Variants in SMYD1 observed in about 807,000 individuals in gnomAD.
The protein encoded by SMYD1 is histone-lysine N-methyltransferase SMYD1.
In SMYD1, 49 loss-of-function variants were observed where a neutral mutation model predicts 54.0. The observed-to-expected ratio is 0.91, with a 90% CI of 0.72 to 1.15. The LOEUF is 1.15. Among genes scored for constraint, SMYD1 ranks in the 50% most tolerant of loss-of-function variants. SMYD1 has a pLI of 0.00. For synonymous variants in SMYD1, 269 were observed against 234.2 expected (o/e 1.15, Z -1.36); for missense variants, 653 against 639.6 (o/e 1.02, Z -0.23).
intron 5 of SMYD1, among the ~76,000 whole-genome samples, chr2:88,095,782 C>T (rs1674572822): frequency 2.6e-5 from 4 of 152,202 alleles, no homozygotes; most frequent in South Asian, 4.1e-4. Context: ...GAGAGGTCCA[C>T]GGACTGACCT....
chr2:88,091,030 ACT>A lies in SMYD1; in HGVS notation c.551_552del (p.Leu184GlnfsTer2). The part of the protein sequence containing the change: ...IFGVINCNGF[T>X]LSDQRGLQAV... ...TGGGTAGATTAACTGCAACGGTTTT[ACT>A]CTCAGTGATCAGAGAGGCCTGCAGG... On this transcript the variant is annotated frameshift_variant, in exon 4 of 10. Transcript: ENST00000419482. LOFTEE classifies it high-confidence loss of function. 1 of 1,613,750 alleles carries A rather than the reference ACT, an allele frequency of 6.2e-7. No homozygotes were observed. Among genetic ancestry groups the A allele is most frequent in the African/African-American group, 1.3e-5 (1 of 74,996 alleles).
At chr2:88,099,901 C>T (rs1339617838) in intron 6 of SMYD1, among the ~76,000 whole-genome samples, 1 of 150,568 alleles carries the variant, frequency 6.6e-6, no homozygotes, top group Non-Finnish European at 1.5e-5. Context: ...TTCATCTGGC[C>T]CTCCCCTTGT....
intron 2 of SMYD1, among the ~76,000 whole-genome samples, chr2:88,085,411 GATGCTC>G (rs1674301245): frequency 6.6e-6 from 1 of 152,206 alleles, no homozygotes; most frequent in Admixed American, 6.5e-5. Context: ...GCTGCAGGGA[GATGCTC>G]AGGAAGCCAG....
intron 6 of SMYD1, among the ~76,000 whole-genome samples, chr2:88,102,713 A>G (rs948000943): frequency 4.6e-5 from 7 of 152,226 alleles, no homozygotes; most frequent in African/African-American, 1.4e-4. Flanking sequence ...GAGGGAGAGC[A>G]GCAAATATTT....
In SMYD1 at chr2:88,088,039, G is replaced by A. The variant is rs746007359; in HGVS notation, c.492G>A (p.Gln164=). 16 of 1,614,154 alleles carry A rather than the reference G, an allele frequency of 9.9e-6. No homozygotes were observed. Among genetic ancestry groups the A allele is most frequent in the Non-Finnish European group, 1.3e-5 (15 of 1,180,020 alleles). ...AGTACTGGCCGCCGCAGAGCCAGCA[G>A]TTCAGCATGCAGTACATCTCGCACA... is the stretch of plus-strand genomic sequence containing the variant. ...FLQYWPPQSQ[Q]FSMQYISHIF... Residue 164 remains glutamine (Q), a synonymous_variant, in exon 3 of 10, where the codon CAG becomes CAA. Transcript: ENST00000419482.
Position 88,103,180 on chromosome 2 carries a change from G to T in SMYD1, c.981+30G>T, listed in dbSNP as rs773396057. On this transcript the variant is annotated intron_variant, in intron 7 of 9. Coordinates refer to ENST00000419482, the MANE Select transcript of SMYD1 (RefSeq NM_198274.4). ...GAATTCACTTGTTATAGAGGATGGGGGTAGAAAGGAGGGTGGAAACATTCT... is the reference window on the plus strand; with the variant it reads ...GAATTCACTTGTTATAGAGGATGGGTGTAGAAAGGAGGGTGGAAACATTCT... The T allele has an allele frequency of 3.5e-5, 56 of 1,594,576 alleles. No homozygotes were observed. In the South Asian group the frequency reaches 5.7e-4, roughly 16 times the overall value.
At chr2:88,090,530 T>G (rs556695873) in intron 3 of SMYD1, among the ~76,000 whole-genome samples, 10 of 152,286 alleles carry the variant, frequency 6.6e-5, no homozygotes, top group Non-Finnish European at 1.2e-4. Context: ...AATATAAAAC[T>G]ATGCACCAGA....
chr2:88,103,008 T>A, intron 6 of SMYD1, 50 bp from the exon 7 acceptor site: 2 of 1,425,622 alleles, frequency 1.4e-6, no homozygotes, highest in Non-Finnish European at 2.0e-6. Context: ...AAAGGTGGAA[T>A]GGGTTGCCTC....
At chr2:88,084,614 A>T in intron 2 of SMYD1, 122 bp downstream of exon 2, 1 of 894,416 alleles carries the variant, frequency 1.1e-6, no homozygotes, top group Non-Finnish European at 1.7e-6. Flanking sequence ...ACAGCCTCAA[A>T]GACTGGATAT....
intron 6 of SMYD1, among the ~76,000 whole-genome samples, chr2:88,100,732 G>C (rs1674701864): frequency 6.6e-6 from 1 of 152,162 alleles, no homozygotes; most frequent in African/African-American, 2.4e-5. Flanking sequence ...GCATTCCGGG[G>C]CACAAGGCAG....
At chr2:88,091,249 T>C in intron 4 of SMYD1, 107 bp downstream of exon 4, 1 of 1,201,524 alleles carries the variant, frequency 8.3e-7, no homozygotes, top group Non-Finnish European at 1.2e-6. Flanking sequence ...TGAACTAGCA[T>C]AAATTTTAAA....
rs530560531 is a variant in SMYD1, at chr2:88,101,070, G to A, written c.889-1988G>A. 3.9e-5 allele frequency among the ~76,000 whole-genome samples: 6 copies of A among 152,310 alleles called. No individual in the cohort carries two copies. The South Asian group carries it at 1.0e-3, about 26-fold the overall frequency. ...TTAGGAGAGCCTGACCCTGAAGCAA[G>A]GTGTCCTGGCCAGAGGACTCTCATA... On this transcript the variant is annotated intron_variant, in intron 6 of 9. Transcript: ENST00000419482.
chr2:88,098,999 T>A (rs1358873625), intron 6 of SMYD1, among the ~76,000 whole-genome samples: 1 of 152,240 alleles, frequency 6.6e-6, no homozygotes, highest in East Asian at 1.9e-4. Flanking sequence ...GCAAAACTTA[T>A]GACATTTTTC....
intron 2 of SMYD1, among the ~76,000 whole-genome samples, chr2:88,085,178 G>A (rs1196124429): frequency 6.6e-6 from 1 of 152,024 alleles, no homozygotes; most frequent in Non-Finnish European, 1.5e-5. Context: ...GGCAAAATAG[G>A]CTAGAGCTGA....
In SMYD1 at chr2:88,111,741, A is replaced by C. The variant is rs1008947438; in HGVS notation, c.*1229A>C. ...CTAAGAAATGAGGGTCTTGAGAATC[A>C]ACCAGTCCCAAGATTAGCCTGTTAT... On this transcript the variant is annotated 3_prime_UTR_variant, in exon 10 of 10. Transcript: ENST00000419482. The C allele has an allele frequency of 2.1e-5, 5 of 235,670 alleles. No individual in the cohort carries two copies. Among genetic ancestry groups the C allele is most frequent in the African/African-American group, 1.1e-4 (5 of 45,400 alleles). 14.6% of individuals were successfully genotyped at this position (235,670 alleles called of 1,614,324 possible). A position where few individuals can be genotyped will look rare whatever the true frequency, so the allele number is the denominator to read the frequency against.
At chr2:88,104,967 T>C (rs1181276124) in intron 7 of SMYD1, among the ~76,000 whole-genome samples, 1 of 152,214 alleles carries the variant, frequency 6.6e-6, no homozygotes, top group Admixed American at 6.5e-5. Flanking sequence ...AGCCTCCTTC[T>C]CTGCTCATCC....
At chr2:88,090,825 A>G (rs914817397) in intron 3 of SMYD1, among the ~76,000 whole-genome samples, 187 bp from the exon 4 acceptor site, 1 of 152,236 alleles carries the variant, frequency 6.6e-6, no homozygotes, top group Non-Finnish European at 1.5e-5. Context: ...GGACTGTTCC[A>G]TGGCCCTAAT....
chr2:88,090,718 AC>A (rs1364762094), intron 3 of SMYD1, among the ~76,000 whole-genome samples: 1 of 152,180 alleles, frequency 6.6e-6, no homozygotes, highest in Non-Finnish European at 1.5e-5. Context: ...CTCATGTAAG[AC>A]CCAGATACAG....
At chr2:88,101,403 G>A (rs964895858) in intron 6 of SMYD1, among the ~76,000 whole-genome samples, 5 of 152,122 alleles carry the variant, frequency 3.3e-5, no homozygotes, top group African/African-American at 1.2e-4. Flanking sequence ...ATATTGATAT[G>A]GGAAAATGTC....
Sources: gnomAD v4.1 joint callset for allele counts (sites outside exome capture counted in the v4.1 genomes callset) on GRCh38, gnomAD v4.1.1 for gene constraint, MANE v1.5 for transcripts, NCBI Gene and HGNC (gene_info 2026-07-23, HGNC 2026-07-21) for gene names.